MAT1A: variants seen among roughly 807,000 people sequenced by gnomAD.
MAT1A encodes S-adenosylmethionine synthase isoform type-1.
A neutral mutation model predicts 44.0 loss-of-function variants in MAT1A; 19 were observed. The observed-to-expected ratio is 0.43, with a 90% confidence interval of 0.30 to 0.63. MAT1A has a LOEUF of 0.63. Ranked by LOEUF, MAT1A falls within the 30% of genes least tolerant of loss-of-function variation. The pLI, the probability that MAT1A is intolerant of heterozygous loss-of-function variation, is 0.12. For missense variants in MAT1A, 397 were observed against 531.0 expected, an observed-to-expected ratio of 0.75 and a Z score of 2.48; for synonymous variants, 205 against 205.6, an observed-to-expected ratio of 1.00 and a Z score of 0.03.
rs1038206403 is a variant in MAT1A, at chr10:80,276,489, G to A, written c.655C>T (p.Arg219Cys). The A allele has an allele frequency of 8.1e-6, 13 of 1,614,006 alleles. No homozygotes were observed. The highest frequency in any genetic ancestry group is 1.7e-5 in the Admixed American group (1 of 60,016). The change falls in exon 6 of 9, where the codon CGC becomes TGC. Residue 219 changes from arginine to cysteine, a missense_variant. Coordinates refer to ENST00000372213, the MANE Select transcript of MAT1A (RefSeq NM_000429.3). ...HNEDITLEEM[R>C]RALKEQVIRA... is the part of the protein sequence containing the mutation. ...ATGACTTGCTCCTTCAGGGCCCTGC[G>A]CATCTCCTCCAGCGTGATGTCTTCG...
chr10:80,273,611 C>A lies in MAT1A; in HGVS notation c.*170G>T. 1.5e-6 allele frequency: 1 copy of A among 670,546 alleles called. No homozygotes were observed. 41.5% of individuals were successfully genotyped at this position (670,546 alleles called of 1,614,324 possible). A position where few individuals can be genotyped will look rare whatever the true frequency, so the allele number is the denominator to read the frequency against. On this transcript the variant is annotated 3_prime_UTR_variant, in exon 9 of 9. Coordinates refer to ENST00000372213, the MANE Select transcript of MAT1A (RefSeq NM_000429.3). ...GATCCAACCTCCAGCACCAGGAAGC[C>A]CCTGCCTCCAGCTGGCCATGATGAT...
rs768895904 is a variant in MAT1A at position 80,284,050 on chromosome 10, CG to C, written c.170-13del. On this transcript the variant is annotated splice_polypyrimidine_tract_variant and intron_variant, in intron 2 of 8. Transcript: ENST00000372213. ...CTTGCACACTGTCTCTGAAAGGGAG[CG>C]GGGAGCGAGGAGAGTTAGCAGCCAA... 1.2e-6 allele frequency: 2 copies of C among 1,613,390 alleles called. No individual in the cohort carries two copies. The highest frequency in any genetic ancestry group is 1.7e-6 in the Non-Finnish European group (2 of 1,179,784).
chr10:80,286,689 C>T (rs1447909500), intron 1 of MAT1A, among the ~76,000 whole-genome samples: 2 of 152,188 alleles, frequency 1.3e-5, no homozygotes, highest in Admixed American at 6.5e-5. Flanking sequence ...GTTATGCAAA[C>T]TGTCAATATC....
chr10:80,281,350 C>T (rs537644574), intron 3 of MAT1A, among the ~76,000 whole-genome samples: 1 of 152,312 alleles, frequency 6.6e-6, no homozygotes, highest in South Asian at 2.1e-4. Flanking sequence ...GAGAGGTACA[C>T]AGAGTCTGGG....
At chr10:80,283,478 T>C (rs950710243) in intron 3 of MAT1A, among the ~76,000 whole-genome samples, 2 of 152,266 alleles carry the variant, frequency 1.3e-5, no homozygotes, top group African/African-American at 4.8e-5. Context: ...TAGTGGCTGC[T>C]TACCCTGTGA....
intron 2 of MAT1A, among the ~76,000 whole-genome samples, chr10:80,284,643 G>A (rs1344050101): frequency 6.6e-6 from 1 of 152,216 alleles, no homozygotes; most frequent in Non-Finnish European, 1.5e-5. Flanking sequence ...GGAGAGCAAG[G>A]CTCTGGTCTT....
chr10:80,275,261 G>A, intron 6 of MAT1A, 62 bp from the exon 7 acceptor site: 2 of 1,433,992 alleles, frequency 1.4e-6, no homozygotes, highest in South Asian at 2.4e-5. Flanking sequence ...GGAGGGGGCT[G>A]AAGTACTGTG....
Position 80,273,770 on chromosome 10 carries a change from TC to T in MAT1A, c.*10del. The T allele has an allele frequency of 6.3e-7, 1 of 1,595,968 alleles. No homozygotes were observed. On this transcript the variant is annotated 3_prime_UTR_variant, in exon 9 of 9. Transcript: ENST00000372213. Reference sequence around the variant, plus strand: ...CCTCCAGGGTGAGACCAGGCCCAGCTCCCCCTGGCTCTAAAATACAAGCTTC... The same window carrying T: ...CCTCCAGGGTGAGACCAGGCCCAGCTCCCCTGGCTCTAAAATACAAGCTTC...
At chr10:80,282,868 C>T (rs10887718) in intron 3 of MAT1A, among the ~76,000 whole-genome samples, 82,239 of 151,910 alleles carry the variant, frequency 0.54, 23,339 homozygotes, top group East Asian at 0.97. Context: ...CCCTAGACAA[C>T]GATTATGTGA....
rs544155313 is a variant in MAT1A, at chr10:80,280,121, G to C, written c.549+52C>G. The C allele has an allele frequency of 3.8e-6, 6 of 1,594,448 alleles. No individual in the cohort carries two copies. In the African/African-American group the frequency reaches 6.7e-5, roughly 18 times the overall value. On this transcript the variant is annotated intron_variant, in intron 5 of 8. Transcript: ENST00000372213. The stretch of plus-strand genomic sequence containing the variant: ...CACAATCAAGAATCAAGAGGATTTG[G>C]GGGTATTAAAGCTTCTGTCTAGGGC...
chr10:80,283,384 G>A (rs2132708065), intron 3 of MAT1A, among the ~76,000 whole-genome samples: 1 of 152,388 alleles, frequency 6.6e-6, no homozygotes, highest in Non-Finnish European at 1.5e-5. Flanking sequence ...CTCGCCTGCT[G>A]TCAGCACCAG....
At chr10:80,274,014 C>T (rs956900470) in intron 8 of MAT1A, 131 bp from the exon 9 acceptor site, 29 of 722,658 alleles carry the variant, frequency 4.0e-5, no homozygotes, top group South Asian at 1.2e-4. Context: ...GCCTCCCCAC[C>T]GCAGTTGCGC....
At position 80,278,005 on chromosome 10, in the gene MAT1A, C is replaced by T. The variant is rs899782601; in HGVS notation, c.550-1411G>A. On this transcript the variant is annotated intron_variant, in intron 5 of 8. Transcript: ENST00000372213. The stretch of plus-strand genomic sequence containing the variant: ...AAGACACTACTTCAAAAACAGGGTG[C>T]GGAGCAGGGGACCTAGACAAGCTGT... 2.6e-5 allele frequency among the ~76,000 whole-genome samples: 4 copies of T among 152,172 alleles called. No individual in the cohort carries two copies. The South Asian group carries it at 6.2e-4, about 24-fold the overall frequency.
rs987806304 is a variant in MAT1A, at chr10:80,272,248, G to C, written c.*1533C>G. The C allele has an allele frequency of 6.5e-6, 1 of 152,784 alleles. No individual in the cohort carries two copies. 9.5% of individuals were successfully genotyped at this position (152,784 alleles called of 1,614,324 possible). On this transcript the variant is annotated 3_prime_UTR_variant, in exon 9 of 9. Transcript: ENST00000372213. ...TCCCCTGGGGCCCATGGAGGCCCCTGCCTGAGCCTGTGGTCCTGGGAGCTG... is the reference window on the plus strand; with the variant it reads ...TCCCCTGGGGCCCATGGAGGCCCCTCCCTGAGCCTGTGGTCCTGGGAGCTG...
At position 80,289,576 on chromosome 10, in the gene MAT1A, G is replaced by A. The variant is rs11595587; in HGVS notation, c.-153C>T. The A allele has an allele frequency of 0.027, 18,832 of 694,976 alleles. 340 individuals carry two copies. Among genetic ancestry groups the A allele is most frequent in the Non-Finnish European group, 0.036 (13,699 of 381,014 alleles). The allele number at this position is 694,976 out of a possible 1,614,324, so 43.1% of individuals were successfully genotyped here. On this transcript the variant is annotated 5_prime_UTR_variant, in exon 1 of 9. Transcript: ENST00000372213. ...GGATCACTTCTGCCTAACTGCCTGTGAGCACGTGAGAACAGGCGAGGACTG... is the reference window on the plus strand; with the variant it reads ...GGATCACTTCTGCCTAACTGCCTGTAAGCACGTGAGAACAGGCGAGGACTG...
In MAT1A at chr10:80,275,191, C is replaced by T. The variant is rs150664696; in HGVS notation, c.777G>A (p.Ala259=). 89 of 1,612,718 alleles carry T rather than the reference C, an allele frequency of 5.5e-5. No individual in the cohort carries two copies. The highest frequency in any genetic ancestry group is 2.9e-4 in the African/African-American group (22 of 75,002). ...RFVIGGPQGD[A]GVTGRKIIVD... Reference sequence around the variant, plus strand: ...CAATAATCTTACGGCCAGTGACACCCGCATCCCCCTGCAGAGGGAGAGAAA... The same window carrying T: ...CAATAATCTTACGGCCAGTGACACCTGCATCCCCCTGCAGAGGGAGAGAAA... Residue 259 remains alanine (A), a synonymous_variant, in exon 7 of 9, where the codon GCG becomes GCA. Transcript: ENST00000372213.
chr10:80,276,588 C>T lies in MAT1A; in HGVS notation c.556G>A (p.Val186Ile). ...LRPDSKTQVT[V>I]QYMQDNGAVI... ...GCGCCATTGTCCTGCATGTACTGAA[C>T]TGTCACCTGTCCATCAGAAGGGTGG... is the stretch of plus-strand genomic sequence containing the variant. Residue 186 changes from valine (V) to isoleucine (I), a missense_variant, in exon 6 of 9, where the codon GTT (valine) becomes ATT (isoleucine). Transcript: ENST00000372213. 1 of 1,611,004 alleles carries T rather than the reference C, an allele frequency of 6.2e-7. No homozygotes were observed. Among genetic ancestry groups the T allele is most frequent in the Non-Finnish European group, 8.5e-7 (1 of 1,179,996 alleles).
intron 1 of MAT1A, among the ~76,000 whole-genome samples, chr10:80,288,336 G>A (rs1016949505): frequency 2.0e-5 from 3 of 152,132 alleles, no homozygotes; most frequent in African/African-American, 7.2e-5. Flanking sequence ...GCAAATTCTC[G>A]AGCCTCTCCC....
chr10:80,274,540 G>T lies in MAT1A; in HGVS notation c.1065C>A (p.Leu355=), dbSNP rs540137383. ...TTTACCTGACAATGACGCCCGGCCG[G>T]AGGTCGAAGTTCTTATGCACCACAT... The part of the protein sequence containing the change: ...LLDVVHKNFD[L]RPGVIVRDLD... Residue 355 remains leucine (L), a synonymous_variant, in exon 8 of 9, where the codon CTC becomes CTA. Coordinates refer to ENST00000372213, the MANE Select transcript of MAT1A (RefSeq NM_000429.3). The T allele has an allele frequency of 3.1e-6, 5 of 1,614,192 alleles. No individual in the cohort carries two copies. Among genetic ancestry groups the T allele is most frequent in the Non-Finnish European group, 4.2e-6 (5 of 1,180,036 alleles).
Sources: gnomAD v4.1 joint callset for allele counts (sites outside exome capture counted in the v4.1 genomes callset) on GRCh38, gnomAD v4.1.1 for gene constraint, MANE v1.5 for transcripts, NCBI Gene and HGNC (gene_info 2026-07-23, HGNC 2026-07-21) for gene names.